The following ZNF462 variants were observed in gnomAD, a reference collection of about 807,000 sequenced individuals.
ZNF462 encodes the protein zinc finger protein 462.
Under a neutral mutation model 201.9 loss-of-function variants are expected in ZNF462, and 10 were observed. The ratio of observed to expected loss-of-function variants is 0.05; its 90% CI spans 0.03 to 0.08. ZNF462 has a LOEUF of 0.08. ZNF462 is among the 10% of genes least tolerant of loss of function. The pLI is 1.00. For missense variants in ZNF462, 2,523 were observed against 3,168.3 expected, an observed-to-expected ratio of 0.80 and a Z score of 4.89; for synonymous variants, 1,227 against 1,193.3, an observed-to-expected ratio of 1.03 and a Z score of -0.58.
At chr9:107,007,475 A>G (rs1033893088) in intron 11 of ZNF462, among the ~76,000 whole-genome samples, 1 of 152,156 alleles carries the variant, frequency 6.6e-6, no homozygotes, top group Non-Finnish European at 1.5e-5. Context: ...GGGAACAAAA[A>G]GCCCTCAGGG....
In ZNF462 at chr9:106,927,699, C is replaced by A; in HGVS notation, c.3787C>A (p.Arg1263=). The A allele has an allele frequency of 1.2e-6, 2 of 1,614,088 alleles. No homozygotes were observed. Among genetic ancestry groups the A allele is most frequent in the South Asian group, 2.2e-5 (2 of 91,074 alleles). Residue 1263 remains arginine, a synonymous_variant, in exon 3 of 13, where the codon CGA becomes AGA. Transcript: ENST00000277225. ...TCTGGAGCGGGACAAAACGAAACTC[C>A]GAGCACTCAAATGTAGGCAGTGCTC... ...SNLERDKTKL[R]ALKCRQCSYT...
In ZNF462 at chr9:106,932,303, T is replaced by C. The variant is rs41277827; in HGVS notation, c.6013-143T>C. The C allele has an allele frequency of 0.011, 17,623 of 1,552,654 alleles. 131 individuals are homozygous for C. Among genetic ancestry groups the C allele is most frequent in the Non-Finnish European group, 0.014 (15,730 of 1,147,608 alleles). On this transcript the variant is annotated intron_variant, in intron 4 of 12. Transcript: ENST00000277225. This position sits in a 1 kb window ranked among gnomAD's most constrained non-coding sequence, Gnocchi z 6.8. ...CCTGCCCACTTGTTCCTGGATGGAT[T>C]GGAAGCAGCCAAAGACGCCAGTGGC...
At chr9:107,001,010 T>C (rs1353094621) in intron 10 of ZNF462, among the ~76,000 whole-genome samples, 1 of 152,174 alleles carries the variant, frequency 6.6e-6, no homozygotes, top group East Asian at 1.9e-4. Flanking sequence ...GATTCTTCTT[T>C]GGTCTCCTTG....
chr9:106,971,883 G>C (rs750097656), intron 7 of ZNF462, 122 bp from the exon 8 acceptor site: 23 of 1,239,722 alleles, frequency 1.9e-5, no homozygotes, highest in Non-Finnish European at 2.6e-5. Flanking sequence ...AACAATTTCC[G>C]TTTGTCAATT....
At chr9:106,861,606 A>G (rs1007813595), upstream of ZNF462, among the ~76,000 whole-genome samples, 9 of 152,234 alleles carry the variant, frequency 5.9e-5, no homozygotes, top group African/African-American at 2.2e-4. Context: ...AGAAATAGAA[A>G]TGGTACAATC....
rs545636296 is a variant in ZNF462 at position 106,898,575 on chromosome 9, A to G, written c.-30-24779A>G. Among the ~76,000 whole-genome samples, 9 of 152,306 alleles carry G rather than the reference A, an allele frequency of 5.9e-5. 1 individual carries two copies. The highest frequency in any genetic ancestry group is 1.7e-4 in the African/African-American group (7 of 41,574). On this transcript the variant is annotated intron_variant, in intron 1 of 12. Coordinates refer to ENST00000277225, the MANE Select transcript of ZNF462 (RefSeq NM_021224.6). ...ACAATGCCCAGGACAGCCTCTCACAATAATTATCAGGCTTCAAATGGGAAT... is the reference window on the plus strand; with the variant it reads ...ACAATGCCCAGGACAGCCTCTCACAGTAATTATCAGGCTTCAAATGGGAAT...
At chr9:106,999,560 A>G (rs1398256433) in intron 10 of ZNF462, among the ~76,000 whole-genome samples, 1 of 152,186 alleles carries the variant, frequency 6.6e-6, no homozygotes, top group Non-Finnish European at 1.5e-5. Flanking sequence ...CTATGTAGTG[A>G]TTAAAAATTA....
chr9:106,945,383 A>G (rs535426196), intron 7 of ZNF462, among the ~76,000 whole-genome samples: 135 of 152,310 alleles, frequency 8.9e-4, no homozygotes, highest in Non-Finnish European at 1.6e-3. Flanking sequence ...GAAGCTTTTC[A>G]GATATCTAAA....
In ZNF462 at chr9:107,009,961, T is replaced by C. The variant is rs145491021; in HGVS notation, c.7313+293T>C. 2.0e-3 allele frequency among the ~76,000 whole-genome samples: 306 copies of C among 152,266 alleles called. 5 individuals are homozygous for C. Among genetic ancestry groups the C allele is most frequent in the African/African-American group, 6.9e-3 (287 of 41,542 alleles). On this transcript the variant is annotated intron_variant, in intron 12 of 12. Coordinates refer to ENST00000277225, the MANE Select transcript of ZNF462 (RefSeq NM_021224.6). The surrounding 1 kb of genome is among the most constrained non-coding windows in gnomAD (Gnocchi z 6.1). The stretch of plus-strand genomic sequence containing the variant: ...TCTCCAGCCAATATCCCTTTAGTCT[T>C]CATTAGCGTGACATTCTATAATAGA...
intron 8 of ZNF462, among the ~76,000 whole-genome samples, chr9:106,973,198 A>T (rs1826726085): frequency 6.6e-6 from 1 of 152,162 alleles, no homozygotes; most frequent in South Asian, 2.1e-4. Flanking sequence ...TAGATATCAT[A>T]GATAAAAAGC....
intron 9 of ZNF462, chr9:106,976,434 G>T (rs1413096602): frequency 6.6e-6 from 1 of 152,210 alleles, no homozygotes; most frequent in Non-Finnish European, 1.5e-5. Flanking sequence ...CACAGTGTGT[G>T]ACGTAGTGCA....
In ZNF462 at chr9:107,009,535, C is replaced by G; in HGVS notation, c.7190-10C>G. The G allele has an allele frequency of 1.9e-6, 3 of 1,613,822 alleles. No individual in the cohort carries two copies. The highest frequency in any genetic ancestry group is 2.2e-5 in the East Asian group (1 of 44,832). ...AGCACACAGGTAACACTTCTGCTTT[C>G]TCTTTGCAGAGCTGATGAGATTTTC... On this transcript the variant is annotated splice_polypyrimidine_tract_variant and intron_variant, in intron 11 of 12. Transcript: ENST00000277225. The surrounding 1 kb of genome is among the most constrained non-coding windows in gnomAD (Gnocchi z 6.1).
chr9:106,940,235 C>T (rs978761992), intron 7 of ZNF462, among the ~76,000 whole-genome samples: 1 of 152,158 alleles, frequency 6.6e-6, no homozygotes, highest in Non-Finnish European at 1.5e-5. Context: ...CTGTAAAATA[C>T]CTAATACAGC....
intron 1 of ZNF462, among the ~76,000 whole-genome samples, chr9:106,878,302 C>G (rs1020470167): frequency 1.3e-5 from 2 of 152,206 alleles, no homozygotes; most frequent in African/African-American, 4.8e-5. Flanking sequence ...ATGGCCATCT[C>G]TACCGTTCAT....
chr9:106,941,483 C>T (rs1052941515), intron 7 of ZNF462, among the ~76,000 whole-genome samples: 14 of 152,216 alleles, frequency 9.2e-5, no homozygotes, highest in African/African-American at 3.4e-4. Flanking sequence ...TGTTTAGCCA[C>T]AGGGAAATAA....
chr9:106,982,804 TTG>T (rs1316987619), intron 9 of ZNF462, among the ~76,000 whole-genome samples: 5 of 152,010 alleles, frequency 3.3e-5, no homozygotes, highest in Non-Finnish European at 5.9e-5. Flanking sequence ...AGTGTTGTGG[TTG>T]AGACTAAGGC....
chr9:106,987,329 A>AT (rs1369659974), intron 10 of ZNF462, among the ~76,000 whole-genome samples: 18 of 152,048 alleles, frequency 1.2e-4, no homozygotes, highest in Non-Finnish European at 1.6e-4. Context: ...TATCTACTGG[A>AT]TTTTTTAAAT....
At position 106,917,848 on chromosome 9, in the gene ZNF462, A is replaced by ATTTATTTATT; in HGVS notation, c.-30-5505_-30-5504insTTATTTATTT. ...TATTTTGCTGGTTTATTATTTTTTT[A>ATTTATTTATT]TATTTATTTATTTATTTATTTATTT... On this transcript the variant is annotated intron_variant, in intron 1 of 12. Coordinates refer to ENST00000277225, the MANE Select transcript of ZNF462 (RefSeq NM_021224.6). This position sits in a 1 kb window ranked among gnomAD's most constrained non-coding sequence, Gnocchi z 4.5. Among the ~76,000 whole-genome samples, 1 of 145,666 alleles carries ATTTATTTATT rather than the reference A, an allele frequency of 6.9e-6. No homozygotes were observed. The highest frequency in any genetic ancestry group is 2.0e-4 in the East Asian group (1 of 4,972).
intron 10 of ZNF462, among the ~76,000 whole-genome samples, chr9:106,992,929 A>G (rs990007479): frequency 3.9e-5 from 6 of 152,102 alleles, no homozygotes; most frequent in African/African-American, 1.4e-4. Flanking sequence ...TCTTTTTATG[A>G]CGTTCATCCT....
Sources: allele counts gnomAD v4.1 joint callset (sites outside exome capture counted in the v4.1 genomes callset), GRCh38; gene constraint gnomAD v4.1.1; non-coding constraint Gnocchi (gnomAD v3.1); transcripts MANE v1.5; gene names NCBI Gene and HGNC (gene_info 2026-07-23, HGNC 2026-07-21).